Variants in PHF21A observed in about 807,000 individuals in gnomAD.
PHF21A encodes BHC80a.
In PHF21A, 11 loss-of-function variants were observed where a neutral mutation model predicts 82.5. The ratio of observed to expected loss-of-function variants is 0.13; its 90% CI spans 0.08 to 0.22. PHF21A has a LOEUF of 0.22. Among genes scored for constraint, PHF21A ranks in the 10% least tolerant of loss-of-function variants. The pLI, the probability that PHF21A is intolerant of heterozygous loss-of-function variation, is 1.00. For missense variants in PHF21A, 579 were observed against 837.8 expected, an observed-to-expected ratio of 0.69 and a Z score of 3.81; for synonymous variants, 297 against 302.8, an observed-to-expected ratio of 0.98 and a Z score of 0.20.
intron 1 of PHF21A, among the ~76,000 whole-genome samples, chr11:46,093,570 C>G (rs1354105770): frequency 6.6e-6 from 1 of 152,122 alleles, no homozygotes; most frequent in African/African-American, 2.4e-5. Flanking sequence ...GACTCTCAAC[C>G]AAAAGAGAAA....
At chr11:46,030,360 T>A (rs1469415319) in intron 6 of PHF21A, among the ~76,000 whole-genome samples, 2 of 152,248 alleles carry the variant, frequency 1.3e-5, no homozygotes, top group Non-Finnish European at 2.9e-5. Flanking sequence ...TCCTGCACGA[T>A]CTTTTATTCT....
intron 1 of PHF21A, chr11:46,120,502 G>A (rs1852919670): frequency 6.6e-6 from 1 of 151,682 alleles, no homozygotes; most frequent in Non-Finnish European, 1.5e-5. Context: ...TCTGCGCCCA[G>A]GCTTCCGAGG....
rs1213517616 is a variant in PHF21A, at chr11:46,090,514, C to G, written c.-143G>C. 1 of 152,096 alleles carries G rather than the reference C, an allele frequency of 6.6e-6. No individual in the cohort carries two copies. The highest frequency in any genetic ancestry group is 6.5e-5 in the Admixed American group (1 of 15,272). The allele number at this position is 152,096 out of a possible 1,614,324, so 9.4% of individuals were successfully genotyped here. The stretch of plus-strand genomic sequence containing the variant: ...ATTCAAGAATGCTGCATATCATATC[C>G]CCCTCTTGGAGATTCACAATGCACA... On this transcript the variant is annotated 5_prime_UTR_variant, in exon 3 of 19. Coordinates refer to ENST00000676320, the MANE Select transcript of PHF21A (RefSeq NM_001352027.3).
chr11:45,934,767 G>A, intron 18 of PHF21A: 1 of 343,498 alleles, frequency 2.9e-6, no homozygotes, highest in East Asian at 7.5e-5. Flanking sequence ...AAGGCCTGCA[G>A]CCAGTACACC....
At position 46,101,319 on chromosome 11, in the gene PHF21A, T is replaced by A. The variant is rs560776975; in HGVS notation, c.-236-9096A>T. On this transcript the variant is annotated intron_variant, in intron 1 of 18. Transcript: ENST00000676320. ...TTACCAGTATTAAACTAACAATGTA[T>A]GAAAAGAACATTCTCATACACATTT... is the stretch of plus-strand genomic sequence containing the variant. 2.7e-4 allele frequency among the ~76,000 whole-genome samples: 41 copies of A among 152,290 alleles called. No homozygotes were observed. The Middle Eastern group carries it at 0.014, about 51-fold the overall frequency.
At chr11:46,108,259 A>T (rs1373960946) in intron 1 of PHF21A, among the ~76,000 whole-genome samples, 1 of 152,162 alleles carries the variant, frequency 6.6e-6, no homozygotes, top group Non-Finnish European at 1.5e-5. Flanking sequence ...CATTTAATTC[A>T]GAAATGATGC....
At chr11:45,934,824 C>G in intron 18 of PHF21A, 1 of 352,596 alleles carries the variant, frequency 2.8e-6, no homozygotes, top group Admixed American at 3.8e-5. Flanking sequence ...TTGCCCTCAG[C>G]TTCCCACACC....
At chr11:46,077,331 C>T (rs2096738043) in intron 5 of PHF21A, among the ~76,000 whole-genome samples, 1 of 152,234 alleles carries the variant, frequency 6.6e-6, no homozygotes, top group African/African-American at 2.4e-5. Context: ...ACTGCCTTAA[C>T]ACTACATCAT....
chr11:45,946,287 T>C (rs866636231), intron 14 of PHF21A, among the ~76,000 whole-genome samples: 1 of 152,172 alleles, frequency 6.6e-6, no homozygotes, highest in African/African-American at 2.4e-5. Flanking sequence ...CTTGGGCAGA[T>C]TGTGGTGAAG....
chr11:45,968,882 GA>G (rs2093599881), intron 9 of PHF21A, among the ~76,000 whole-genome samples: 1 of 139,160 alleles, frequency 7.2e-6, no homozygotes. Context: ...AGTGAGCCTA[GA>G]TCGTGCCACT....
chr11:45,958,396 CAA>C (rs1159762183), intron 10 of PHF21A, among the ~76,000 whole-genome samples: 5 of 1,066 alleles, frequency 4.7e-3, no homozygotes, highest in Non-Finnish European at 8.4e-3. Context: ...AACCTGGTCT[CAA>C]AAAAAAAAAA....
At chr11:46,057,233 T>C (rs1186926615) in intron 6 of PHF21A, among the ~76,000 whole-genome samples, 2 of 152,174 alleles carry the variant, frequency 1.3e-5, no homozygotes, top group African/African-American at 4.8e-5. Context: ...ACATAAGCAG[T>C]TGCCCTATCA....
At chr11:45,996,507 G>C (rs1390950447) in intron 6 of PHF21A, among the ~76,000 whole-genome samples, 1 of 152,006 alleles carries the variant, frequency 6.6e-6, no homozygotes, top group Non-Finnish European at 1.5e-5. Flanking sequence ...CCCTTTTTGA[G>C]AGACAGAGAG....
chr11:45,938,376 C>A (rs2089605925), intron 15 of PHF21A, 64 bp from the exon 16 acceptor site: 9 of 1,343,414 alleles, frequency 6.7e-6, no homozygotes, highest in Non-Finnish European at 9.5e-6. Flanking sequence ...TGTTAACATG[C>A]ACATTCTAGA....
rs79789896 is a variant in PHF21A, at chr11:45,999,153, T to G, written c.154-19187A>C. Among the ~76,000 whole-genome samples the G allele has an allele frequency of 7.0e-4, 106 of 152,126 alleles. 2 individuals are homozygous for G. The East Asian group carries it at 0.019, about 27-fold the overall frequency. On this transcript the variant is annotated intron_variant, in intron 6 of 18. Coordinates refer to ENST00000676320, the MANE Select transcript of PHF21A (RefSeq NM_001352027.3). ...GAACCCTACCATTTCTTACAGAGTA[T>G]CAACAAAGAAAATTATTAGAAAATT...
intron 6 of PHF21A, among the ~76,000 whole-genome samples, chr11:46,070,621 G>A (rs922115583): frequency 6.6e-6 from 1 of 152,120 alleles, no homozygotes; most frequent in African/African-American, 2.4e-5. Flanking sequence ...GTGAGCCACC[G>A]CACCCAGCCT....
At chr11:45,954,906 G>A (rs1344625037) in intron 10 of PHF21A, among the ~76,000 whole-genome samples, 1 of 152,100 alleles carries the variant, frequency 6.6e-6, no homozygotes, top group African/African-American at 2.4e-5. Flanking sequence ...CATTATGCTG[G>A]AAATATTTTA....
At chr11:46,099,657 GA>G (rs1234912679) in intron 1 of PHF21A, among the ~76,000 whole-genome samples, 1 of 152,064 alleles carries the variant, frequency 6.6e-6, no homozygotes, top group Non-Finnish European at 1.5e-5. Flanking sequence ...AGAAAACTCA[GA>G]GTAGGCCTTA....
At chr11:45,946,187 T>C in intron 14 of PHF21A, 184 bp from the exon 15 acceptor site, 1 of 1,280,812 alleles carries the variant, frequency 7.8e-7, no homozygotes, top group Non-Finnish European at 1.1e-6. Context: ...TAAATGTCAT[T>C]AGAAACAACT....
Sources: allele counts gnomAD v4.1 joint callset (sites outside exome capture counted in the v4.1 genomes callset), GRCh38; gene constraint gnomAD v4.1.1; transcripts MANE v1.5; gene names NCBI Gene and HGNC (gene_info 2026-07-23, HGNC 2026-07-21).